ERBIN: variants seen among roughly 807,000 people sequenced by gnomAD.
ERBIN encodes erbb2 interacting protein.
Under a neutral mutation model 158.4 loss-of-function variants are expected in ERBIN, and 60 were observed. That is an observed-to-expected ratio of 0.38 (90% confidence interval 0.31 to 0.47). The LOEUF (loss-of-function observed/expected upper bound fraction) is 0.47. ERBIN is among the 20% of genes least tolerant of loss of function. The pLI is 0.99. For synonymous variants in ERBIN, 594 were observed against 557.2 expected (o/e 1.07, Z -0.93); for missense variants, 1,610 against 1,648.0 (o/e 0.98, Z 0.40).
At chr5:65,976,138 A>G (rs770763643) in intron 1 of ERBIN, among the ~76,000 whole-genome samples, 12 of 152,306 alleles carry the variant, frequency 7.9e-5, no homozygotes, top group Middle Eastern at 6.8e-3. Flanking sequence ...TAATCCTGCT[A>G]CAGGATCGTA....
intron 1 of ERBIN, among the ~76,000 whole-genome samples, chr5:65,949,308 A>G (rs1746213686): frequency 6.6e-6 from 1 of 152,290 alleles, no homozygotes; most frequent in South Asian, 2.1e-4. Flanking sequence ...AGACTTTCTA[A>G]TAGTTACCAG....
intron 1 of ERBIN, among the ~76,000 whole-genome samples, chr5:65,939,446 C>T (rs1288241744): frequency 6.6e-6 from 1 of 151,998 alleles, no homozygotes; most frequent in Non-Finnish European, 1.5e-5. Flanking sequence ...CCAAAACAAA[C>T]ACCAATAAAG....
rs182518484 is a variant in ERBIN, at chr5:66,045,907, C to G, written c.1603-446C>G. Among the ~76,000 whole-genome samples the G allele has an allele frequency of 4.7e-4, 72 of 152,284 alleles. 1 individual carries two copies. Among genetic ancestry groups the G allele is most frequent in the Admixed American group, 4.6e-3 (70 of 15,290 alleles). Reference sequence around the variant, plus strand: ...GCATTTCCTTGCGATGTTTCAGAAACTTTCACAAATCCCTAAATCGTCTGT... The same window carrying G: ...GCATTTCCTTGCGATGTTTCAGAAAGTTTCACAAATCCCTAAATCGTCTGT... On this transcript the variant is annotated intron_variant, in intron 17 of 25. Transcript: ENST00000284037.
intron 3 of ERBIN, 131 bp downstream of exon 3, chr5:65,993,038 A>T: frequency 1.6e-6 from 1 of 635,460 alleles, no homozygotes; most frequent in Non-Finnish European, 2.5e-6. Flanking sequence ...TGTATCGTAG[A>T]GTATGCCGTA....
At position 66,034,994 on chromosome 5, in the gene ERBIN, C is replaced by T. The variant is rs150160026; in HGVS notation, c.1207-3389C>T. 1.5e-4 allele frequency among the ~76,000 whole-genome samples: 23 copies of T among 152,222 alleles called. No individual in the cohort carries two copies. The East Asian group carries it at 4.5e-3, about 29-fold the overall frequency. ...TAGTAGTCTTGCTGAGGGTGATCAG[C>T]AAGTACTGTGAGTGCAGTGGAGTGG... On this transcript the variant is annotated intron_variant, in intron 14 of 25. Transcript: ENST00000284037.
chr5:66,026,610 C>T (rs984333518), intron 13 of ERBIN, among the ~76,000 whole-genome samples, 193 bp downstream of exon 13: 1 of 151,894 alleles, frequency 6.6e-6, no homozygotes, highest in African/African-American at 2.4e-5. Flanking sequence ...TCACTTCTTT[C>T]GTTCATCAGT....
intron 18 of ERBIN, 54 bp from the exon 19 acceptor site, chr5:66,048,613 T>G: frequency 1.1e-6 from 1 of 944,148 alleles, no homozygotes; most frequent in Non-Finnish European, 1.6e-6. Flanking sequence ...TAATATTTAT[T>G]TATTTAAAGA....
chr5:66,044,835 G>T (rs1758264410), intron 17 of ERBIN, among the ~76,000 whole-genome samples: 2 of 152,024 alleles, frequency 1.3e-5, no homozygotes. Flanking sequence ...CCAGCACTTT[G>T]GGAGGCCGAG....
intron 23 of ERBIN, chr5:66,076,022 T>A (rs76647441): frequency 3.1e-6 from 1 of 318,964 alleles, no homozygotes; most frequent in Non-Finnish European, 5.7e-6. Flanking sequence ...ATATAAAATC[T>A]GTGACGTCTA....
At chr5:66,026,049 A>C in intron 12 of ERBIN, 72 bp downstream of exon 12, 1 of 1,238,702 alleles carries the variant, frequency 8.1e-7, no homozygotes. Context: ...ATAGCTATTT[A>C]GTGTGGCTTC....
At chr5:66,074,832 T>C (rs148343634) in intron 22 of ERBIN, among the ~76,000 whole-genome samples, 192 bp from the exon 23 acceptor site, 107 of 152,268 alleles carry the variant, frequency 7.0e-4, no homozygotes, top group African/African-American at 2.5e-3. Context: ...CAGGAAACTT[T>C]AGAATTAAGA....
intron 1 of ERBIN, among the ~76,000 whole-genome samples, chr5:65,960,547 G>C (rs1747789901): frequency 6.6e-6 from 1 of 152,146 alleles, no homozygotes; most frequent in Non-Finnish European, 1.5e-5. Flanking sequence ...ATTGGTTAAG[G>C]GTGTTGGCCT....
At chr5:65,954,031 C>T (rs251305) in intron 1 of ERBIN, among the ~76,000 whole-genome samples, 106,613 of 151,994 alleles carry the variant, frequency 0.7, 39,618 homozygotes, top group Non-Finnish European at 0.84. Flanking sequence ...CTCTCCTACC[C>T]GCTACCCCTT....
intron 16 of ERBIN, among the ~76,000 whole-genome samples, chr5:66,043,620 T>G (rs889137350): frequency 4.6e-5 from 7 of 152,146 alleles, no homozygotes; most frequent in African/African-American, 1.7e-4. Flanking sequence ...AACATTTTGT[T>G]TCTTTATGGA....
At chr5:66,013,432 C>T (rs1754411839) in intron 5 of ERBIN, 117 bp from the exon 6 acceptor site, 4 of 756,088 alleles carry the variant, frequency 5.3e-6, no homozygotes, top group Non-Finnish European at 9.1e-6. Flanking sequence ...AGTAGCCACT[C>T]ATAACAGAAG....
At chr5:66,069,033 A>G (rs531508553) in intron 21 of ERBIN, 46 of 1,504,470 alleles carry the variant, frequency 3.1e-5, no homozygotes, top group Non-Finnish European at 4.1e-5. Flanking sequence ...GAGTACCTAC[A>G]CTAGACCAAT....
At chr5:66,001,666 G>T (rs538111769) in intron 4 of ERBIN, among the ~76,000 whole-genome samples, 3 of 152,128 alleles carry the variant, frequency 2.0e-5, no homozygotes, top group Non-Finnish European at 4.4e-5. Context: ...TTTAATATTT[G>T]TATTTATCAA....
In ERBIN at chr5:66,008,981, C is replaced by T. The variant is rs139844635; in HGVS notation, c.308-3068C>T. On this transcript the variant is annotated intron_variant, in intron 4 of 25. Coordinates refer to ENST00000284037, the MANE Select transcript of ERBIN (RefSeq NM_001253697.2). ...GGTATTTACCCAAGAGAAATGCAAA[C>T]ATTTCCACAGAATGACTTTAAAAAA... 8.5e-5 allele frequency among the ~76,000 whole-genome samples: 13 copies of T among 152,290 alleles called. 1 individual carries two copies. In the East Asian group the frequency reaches 2.3e-3, roughly 27 times the overall value.
intron 23 of ERBIN, 157 bp from the exon 24 acceptor site, chr5:66,076,157 CTA>C: frequency 5.0e-6 from 3 of 603,942 alleles, no homozygotes; most frequent in Non-Finnish European, 8.6e-6. Context: ...ACATAATATT[CTA>C]TGTTGTATTT....
Sources: gnomAD v4.1 joint callset for allele counts (sites outside exome capture counted in the v4.1 genomes callset) on GRCh38, gnomAD v4.1.1 for gene constraint, MANE v1.5 for transcripts, NCBI Gene and HGNC (gene_info 2026-07-23, HGNC 2026-07-21) for gene names.